Variants in MIA3 observed in about 807,000 individuals in gnomAD.
The protein encoded by MIA3 is MIA SH3 domain ER export factor 3.
MIA3 carries 90 observed loss-of-function variants against 192.4 expected under a neutral mutation model. The ratio of observed to expected loss-of-function variants is 0.47; its 90% CI spans 0.39 to 0.56. The LOEUF (loss-of-function observed/expected upper bound fraction) is 0.56. Ranked by LOEUF, MIA3 falls within the 20% of genes least tolerant of loss-of-function variation. The probability of loss-of-function intolerance (pLI) is 0.00; values close to 1 mark genes in which losing one functional copy is unlikely to be tolerated. For synonymous variants in MIA3, 740 were observed against 792.8 expected (o/e 0.93, Z 1.12); for missense variants, 2,123 against 2,269.4 (o/e 0.94, Z 1.31).
chr1:222,632,019 A>G (rs1662418283), intron 4 of MIA3, 146 bp from the exon 5 acceptor site: 2 of 582,156 alleles, frequency 3.4e-6, no homozygotes, highest in East Asian at 5.8e-5. Flanking sequence ...AAAGAAACTG[A>G]AACTCTTATT....
At chr1:222,643,744 A>G (rs1025016688) in intron 6 of MIA3, among the ~76,000 whole-genome samples, 1 of 152,072 alleles carries the variant, frequency 6.6e-6, no homozygotes, top group African/African-American at 2.4e-5. Context: ...CAGCCTGGGC[A>G]ACATAGGGAG....
chr1:222,653,283 A>C lies in MIA3; in HGVS notation c.4265A>C (p.Glu1422Ala), dbSNP rs372947244. Residue 1422 changes from glutamate (E) to alanine (A), a missense_variant, in exon 15 of 28, where the codon GAG becomes GCG. Coordinates refer to ENST00000344922, the MANE Select transcript of MIA3 (RefSeq NM_198551.4). ...CTGTTAGAGTGTGAATCTGAATCTG[A>C]GGGTCAAAATAAAGGTGGAAATGAT... is the stretch of plus-strand genomic sequence containing the variant. ...LNLLECESES[E>A]GQNKGGNDSD... 41 of 1,613,932 alleles carry C rather than the reference A, an allele frequency of 2.5e-5. No individual in the cohort carries two copies. The highest frequency in any genetic ancestry group is 3.3e-5 in the Non-Finnish European group (39 of 1,179,920).
chr1:222,641,765 G>C, intron 6 of MIA3: 2 of 559,174 alleles, frequency 3.6e-6, no homozygotes. Context: ...ACTTTGAGCT[G>C]GGCAATGGAG....
chr1:222,632,195 C>T lies in MIA3; in HGVS notation c.3200C>T (p.Ser1067Leu). 2.5e-6 allele frequency: 4 copies of T among 1,614,130 alleles called. No individual in the cohort carries two copies. Among genetic ancestry groups the T allele is most frequent in the East Asian group, 2.2e-5 (1 of 44,878 alleles). Residue 1067 changes from serine (S) to leucine (L), a missense_variant, in exon 5 of 28, where the codon TCA becomes TTA. This residue lies in a region of MIA3 where 1,357 missense variants were observed against 1,396.1 expected (regional missense o/e 0.97). Transcript: ENST00000344922. ...EMQPLHEDNF[S>L]REKTAELNVQ... ...CAACCACTGCATGAAGATAATTTCT[C>T]ACGAGAGAAGACAGCAGAACTTAAT...
At chr1:222,650,464 T>C (rs1663371647) in intron 9 of MIA3, 84 bp downstream of exon 9, 5 of 837,278 alleles carry the variant, frequency 6.0e-6, no homozygotes, top group South Asian at 1.7e-5. Flanking sequence ...GTTACTATGG[T>C]ATTTTTAAAT....
intron 27 of MIA3, 114 bp downstream of exon 27, chr1:222,664,262 T>C (rs1664169126): frequency 5.4e-6 from 6 of 1,116,392 alleles, no homozygotes; most frequent in Admixed American, 1.9e-5. Context: ...GTGAAGCTGA[T>C]TGAGTACACC....
At chr1:222,665,074 C>G (rs554666488) in intron 27 of MIA3, 1 of 521,872 alleles carries the variant, frequency 1.9e-6, no homozygotes, top group Admixed American at 3.3e-5. Context: ...TGGCGTGCAC[C>G]TGTAGTCCCA....
In MIA3 at chr1:222,666,886, C is replaced by T. The variant is rs990094048; in HGVS notation, c.*1267C>T. ...AACGTTTCTAAGAACGAACTTCAGACATTTTAATTACAGTAATAATAGCAC... is the reference window on the plus strand; with the variant it reads ...AACGTTTCTAAGAACGAACTTCAGATATTTTAATTACAGTAATAATAGCAC... On this transcript the variant is annotated 3_prime_UTR_variant, in exon 28 of 28. Coordinates refer to ENST00000344922, the MANE Select transcript of MIA3 (RefSeq NM_198551.4). 1.4e-4 allele frequency: 22 copies of T among 152,130 alleles called. No individual in the cohort carries two copies. Among genetic ancestry groups the T allele is most frequent in the African/African-American group, 5.1e-4 (21 of 41,442 alleles). 9.4% of individuals were successfully genotyped at this position (152,130 alleles called of 1,614,324 possible).
intron 2 of MIA3, among the ~76,000 whole-genome samples, chr1:222,622,099 C>T (rs1041664718): frequency 1.3e-5 from 2 of 152,132 alleles, no homozygotes; most frequent in Non-Finnish European, 2.9e-5. Flanking sequence ...CCACCGCAAC[C>T]AGCCTCTTGT....
Position 222,664,212 on chromosome 1 carries a change from T to C in MIA3, c.5413+64T>C. On this transcript the variant is annotated intron_variant, in intron 27 of 27. Transcript: ENST00000344922. ...ACATTCATCTTCTCCATCTATCCCTTGCTAAAACAACTGCAATTGCGGGGC... is the reference window on the plus strand; with the variant it reads ...ACATTCATCTTCTCCATCTATCCCTCGCTAAAACAACTGCAATTGCGGGGC... The C allele has an allele frequency of 1.9e-6, 3 of 1,556,510 alleles. No individual in the cohort carries two copies. In the South Asian group the frequency reaches 3.4e-5, roughly 17 times the overall value.
intron 18 of MIA3, 96 bp downstream of exon 18, chr1:222,654,889 CTT>C: frequency 2.8e-6 from 3 of 1,055,054 alleles, no homozygotes; most frequent in South Asian, 1.6e-5. Flanking sequence ...GGATTGTACT[CTT>C]TTGCATCTGT....
chr1:222,623,245 A>G (rs927780696), intron 2 of MIA3, among the ~76,000 whole-genome samples: 1 of 148,546 alleles, frequency 6.7e-6, no homozygotes, highest in Non-Finnish European at 1.5e-5. Flanking sequence ...AGACATAAAG[A>G]TTTTTTCTTG....
At chr1:222,664,811 A>G (rs1664195054) in intron 27 of MIA3, 1 of 265,774 alleles carries the variant, frequency 3.8e-6, no homozygotes, top group South Asian at 3.8e-5. Flanking sequence ...TATTGCAATG[A>G]AGCCATATTT....
chr1:222,654,550 C>T (rs193143557), intron 17 of MIA3, 71 bp downstream of exon 17: 114 of 1,545,698 alleles, frequency 7.4e-5, no homozygotes, highest in Middle Eastern at 3.4e-4. Context: ...AGATAAAGAG[C>T]GGCTTCCTGC....
rs1662037633 is a variant in MIA3 at position 222,624,861 on chromosome 1, T to A, written c.354+7T>A. 1 of 1,515,004 alleles carries A rather than the reference T, an allele frequency of 6.6e-7. No homozygotes were observed. The highest frequency in any genetic ancestry group is 9.2e-7 in the Non-Finnish European group (1 of 1,092,766). The allele number at this position is 1,515,004 out of a possible 1,614,324, so 93.8% of individuals were successfully genotyped here. A position where few individuals can be genotyped will look rare whatever the true frequency, so the allele number is the denominator to read the frequency against. ...GCTACAAGTTCCAACAGATGTAAGT[T>A]GTGGATTTCTGTCTTGTTCTCAGTT... On this transcript the variant is annotated splice_region_variant and intron_variant, in intron 3 of 27. Coordinates refer to ENST00000344922, the MANE Select transcript of MIA3 (RefSeq NM_198551.4).
intron 18 of MIA3, among the ~76,000 whole-genome samples, chr1:222,657,734 G>C (rs1235545112): frequency 1.3e-5 from 2 of 152,218 alleles, no homozygotes; most frequent in Admixed American, 1.3e-4. Context: ...CATTAGTGCA[G>C]AGGTGGTACT....
rs374212330 is a variant in MIA3 at position 222,633,204 on chromosome 1, C to T, written c.3432C>T (p.Asn1144=). The change falls in exon 6 of 28, where the codon AAC becomes AAT. Residue 1144 remains asparagine (N), a synonymous_variant. Coordinates refer to ENST00000344922, the MANE Select transcript of MIA3 (RefSeq NM_198551.4). ...CGGCAAGTGTCACACCTTTGGAAAA[C>T]GCAATCCTTCTAATATATTCATTCA... is the stretch of plus-strand genomic sequence containing the variant. ...EEPASVTPLE[N]AILLIYSFMF... 4.6e-5 allele frequency: 74 copies of T among 1,613,398 alleles called. No homozygotes were observed. The highest frequency in any genetic ancestry group is 7.7e-5 in the South Asian group (7 of 90,908).
chr1:222,649,445 G>A (rs958498979), intron 8 of MIA3: 1 of 152,206 alleles, frequency 6.6e-6, no homozygotes, highest in African/African-American at 2.4e-5. Flanking sequence ...ATTGCTTTTT[G>A]TATTAATCTG....
chr1:222,648,010 C>T (rs1267724579), intron 7 of MIA3: 2 of 274,980 alleles, frequency 7.3e-6, no homozygotes, highest in Non-Finnish European at 1.5e-5. Context: ...GTTAGTATCT[C>T]ATCAACATAA....
Sources: gnomAD v4.1 joint callset for allele counts (sites outside exome capture counted in the v4.1 genomes callset) on GRCh38, gnomAD v4.1.1 for gene constraint, gnomAD v4.1.1 regional missense constraint, MANE v1.5 for transcripts, NCBI Gene and HGNC (gene_info 2026-07-23, HGNC 2026-07-21) for gene names.